CS: variants seen among roughly 807,000 people sequenced by gnomAD.
The protein encoded by CS is citrate synthase, mitochondrial.
A neutral mutation model predicts 61.4 loss-of-function variants in CS; 13 were observed. That is an observed-to-expected ratio of 0.21 (90% CI 0.14 to 0.34). CS has a LOEUF of 0.34. Ranked by LOEUF, CS falls within the 10% of genes least tolerant of loss-of-function variation. CS has a pLI of 1.00. For missense variants in CS, 278 were observed against 573.4 expected (o/e 0.48, Z 5.26); for synonymous variants, 159 against 215.2 (o/e 0.74, Z 2.29).
At chr12:56,273,315 T>C in intron 10 of CS, 61 bp from the exon 11 acceptor site, 1 of 1,521,212 alleles carries the variant, frequency 6.6e-7, no homozygotes, top group Non-Finnish European at 9.0e-7. Flanking sequence ...GTACAAGTCC[T>C]AGGTGATAGA....
chr12:56,279,601 C>CT (rs1872714972), intron 6 of CS, among the ~76,000 whole-genome samples: 1 of 151,898 alleles, frequency 6.6e-6, no homozygotes, highest in Non-Finnish European at 1.5e-5. Flanking sequence ...CCCGACTCTA[C>CT]TAAAAATACA....
At chr12:56,275,168 A>G in intron 7 of CS, 37 bp from the exon 8 acceptor site, 2 of 1,613,440 alleles carry the variant, frequency 1.2e-6, no homozygotes, top group Non-Finnish European at 1.7e-6. Flanking sequence ...AAGGGAAGAA[A>G]GAAGGGGCAG....
At chr12:56,285,846 GA>G (rs1872924560) in intron 3 of CS, 69 bp downstream of exon 3, 7 of 1,224,792 alleles carry the variant, frequency 5.7e-6, no homozygotes, top group Non-Finnish European at 8.5e-6. Context: ...ATAGTCAGTG[GA>G]GAGAATGTTA....
intron 3 of CS, 53 bp downstream of exon 3, chr12:56,285,863 G>A: frequency 7.2e-7 from 1 of 1,393,580 alleles, no homozygotes; most frequent in Non-Finnish European, 1.0e-6. Flanking sequence ...TGTTACTTTT[G>A]TTGAAGCACA....
chr12:56,288,827 A>G (rs1257331464), intron 1 of CS, among the ~76,000 whole-genome samples: 1 of 151,806 alleles, frequency 6.6e-6, no homozygotes, highest in Non-Finnish European at 1.5e-5. Flanking sequence ...TAAAAAAAAA[A>G]AAATTTTTTT....
At chr12:56,297,925 C>T (rs1873355817) in intron 1 of CS, among the ~76,000 whole-genome samples, 2 of 152,120 alleles carry the variant, frequency 1.3e-5, no homozygotes, top group Admixed American at 1.3e-4. Context: ...TTCTTGGTAC[C>T]CTGGTCATAT....
chr12:56,283,061 T>C, intron 4 of CS, 70 bp from the exon 5 acceptor site: 1 of 1,549,694 alleles, frequency 6.5e-7, no homozygotes, highest in Non-Finnish European at 8.9e-7. Context: ...GTCTTACTCA[T>C]CAGACCTTAC....
chr12:56,289,732 G>T (rs942790950), intron 1 of CS, among the ~76,000 whole-genome samples: 1 of 152,000 alleles, frequency 6.6e-6, no homozygotes, highest in Non-Finnish European at 1.5e-5. Context: ...GTGAGCCACC[G>T]CGCCCGGCCA....
At position 56,273,773 on chromosome 12, in the gene CS, T is replaced by C. The variant is rs1298700264; in HGVS notation, c.1044A>G (p.Ala348=). Reference sequence around the variant, plus strand: ...ATCGCGGATCAGTCTTCCTTAGTACTGCATGGCCATAGCCTGGAACAACCT... The same window carrying C: ...ATCGCGGATCAGTCTTCCTTAGTACCGCATGGCCATAGCCTGGAACAACCT... The part of the protein sequence containing the change: ...SGRVVPGYGH[A]VLRKTDPRYT... Residue 348 remains alanine, a synonymous_variant, in exon 10 of 11, where the codon GCA becomes GCG. Coordinates refer to ENST00000351328, the MANE Select transcript of CS (RefSeq NM_004077.3). 3 of 1,613,970 alleles carry C rather than the reference T, an allele frequency of 1.9e-6. No individual in the cohort carries two copies. Among genetic ancestry groups the C allele is most frequent in the Non-Finnish European group, 2.5e-6 (3 of 1,179,952 alleles).
chr12:56,298,621 C>G, intron 1 of CS: 1 of 985,450 alleles, frequency 1.0e-6, no homozygotes, highest in African/African-American at 1.7e-5. Context: ...TTTTCCCCAG[C>G]AGCAGGAGAA....
chr12:56,275,184 G>A, intron 7 of CS, 53 bp from the exon 8 acceptor site: 2 of 1,610,838 alleles, frequency 1.2e-6, no homozygotes, highest in South Asian at 1.1e-5. Flanking sequence ...GGCAGATTAT[G>A]GAAACTTTGC....
At chr12:56,284,437 TCA>T (rs1872873202) in intron 3 of CS, among the ~76,000 whole-genome samples, 1 of 147,996 alleles carries the variant, frequency 6.8e-6, no homozygotes, top group African/African-American at 2.5e-5. Flanking sequence ...ACTAAGCCTC[TCA>T]CAGAGTCTGT....
intron 1 of CS, among the ~76,000 whole-genome samples, chr12:56,293,201 A>G (rs1033863709): frequency 2.6e-5 from 4 of 152,092 alleles, no homozygotes; most frequent in African/African-American, 9.7e-5. Flanking sequence ...CACATCTAGC[A>G]CCCTCACCCT....
chr12:56,289,633 A>T (rs1259429820), intron 1 of CS, among the ~76,000 whole-genome samples: 1 of 151,874 alleles, frequency 6.6e-6, no homozygotes, highest in African/African-American at 2.4e-5. Context: ...TAGTAGAGAC[A>T]GGGTTTCACT....
intron 6 of CS, among the ~76,000 whole-genome samples, chr12:56,277,505 TA>T (rs368562375): frequency 0.049 from 6,901 of 140,156 alleles, 221 homozygotes; most frequent in Non-Finnish European, 0.072. Context: ...TCTCAAAAAA[TA>T]AAAAAAAAAG....
chr12:56,293,022 G>A (rs113758999), intron 1 of CS, among the ~76,000 whole-genome samples: 15 of 152,142 alleles, frequency 9.9e-5, no homozygotes, highest in Non-Finnish European at 1.5e-4. Context: ...CAGAAGAATC[G>A]CTTGAACCCA....
chr12:56,280,440 A>AAAAAAAACC (rs1555162652), intron 6 of CS, among the ~76,000 whole-genome samples: 2 of 119,848 alleles, frequency 1.7e-5, no homozygotes, highest in Non-Finnish European at 3.4e-5. Context: ...AAAAAAAACA[A>AAAAAAAACC]AAAAATTAGC....
At chr12:56,281,841 A>AT (rs1356851408) in intron 6 of CS, among the ~76,000 whole-genome samples, 3 of 152,054 alleles carry the variant, frequency 2.0e-5, no homozygotes, top group Admixed American at 6.6e-5. Flanking sequence ...CCATGTGTAC[A>AT]TACCTCTGTT....
chr12:56,282,512 A>G lies in CS; in HGVS notation c.496T>C (p.Ser166Pro). ...GCTGTAACAGCTGCACTGAGCTGAG[A>G]CATGGGGTGTAGATTGGTGGGAAAG... The part of the protein sequence containing the change: ...DNFPTNLHPM[S>P]QLSAAVTALN... The change falls in exon 6 of 11, where the codon TCT (serine) becomes CCT (proline). Residue 166 changes from serine to proline, a missense_variant. Ser to Pro is a moderately conservative substitution (Grantham distance 74). Around this residue, in one of 2 missense-constraint regions of CS, gnomAD observed 223 missense variants for 503.5 expected, o/e 0.44. Transcript: ENST00000351328. 1 of 1,614,118 alleles carries G rather than the reference A, an allele frequency of 6.2e-7. No individual in the cohort carries two copies. The highest frequency in any genetic ancestry group is 8.5e-7 in the Non-Finnish European group (1 of 1,180,024).
Sources: gnomAD v4.1 joint callset for allele counts (sites outside exome capture counted in the v4.1 genomes callset) on GRCh38, gnomAD v4.1.1 for gene constraint, gnomAD v4.1.1 regional missense constraint, MANE v1.5 for transcripts, NCBI Gene and HGNC (gene_info 2026-07-23, HGNC 2026-07-21) for gene names.